The following FARP1 variants were observed in gnomAD, a reference collection of about 807,000 sequenced individuals.
FARP1 encodes the protein FERM, ARH/RhoGEF and pleckstrin domain protein 1, also known as FERM, ARHGEF and pleckstrin domain-containing protein 1.
FARP1 carries 52 observed loss-of-function variants against 128.8 expected under a neutral mutation model. That is an observed-to-expected ratio of 0.40 (90% CI 0.32 to 0.51). The LOEUF (loss-of-function observed/expected upper bound fraction) is 0.51. Ranked by LOEUF, FARP1 falls within the 20% of genes least tolerant of loss-of-function variation. FARP1 has a pLI of 0.45. For missense variants in FARP1, 1,333 were observed against 1,367.9 expected, an observed-to-expected ratio of 0.97 and a Z score of 0.40; for synonymous variants, 580 against 551.8, an observed-to-expected ratio of 1.05 and a Z score of -0.72.
chr13:98,293,025 G>C (rs2139671391), intron 2 of FARP1, among the ~76,000 whole-genome samples: 1 of 152,160 alleles, frequency 6.6e-6, no homozygotes, highest in South Asian at 2.1e-4. Context: ...GAAAGAAAGG[G>C]GGAAGCAGAG....
intron 26 of FARP1, 173 bp downstream of exon 26, chr13:98,446,990 G>A: frequency 6.1e-6 from 4 of 657,954 alleles, no homozygotes; most frequent in Non-Finnish European, 7.7e-6. Context: ...TCTCATGGCA[G>A]AAAGTGGGGT....
rs781713656 is a variant in FARP1, at chr13:98,431,216, G to C, written c.2079G>C (p.Lys693Asn). 1.2e-5 allele frequency: 19 copies of C among 1,604,494 alleles called. No homozygotes were observed. Among genetic ancestry groups the C allele is most frequent in the Non-Finnish European group, 1.6e-5 (19 of 1,175,708 alleles). The change falls in exon 18 of 27, where the codon AAG becomes AAC. Residue 693 changes from lysine to asparagine, a missense_variant. Lys to Asn is a moderately conservative substitution (Grantham distance 94). This residue lies in a region of FARP1 where 1,009 missense variants were observed against 969.8 expected (regional missense o/e 1.04). Transcript: ENST00000319562. ...LRPLHRLMHY[K>N]QVLERLCKHH... ...CACTGCACCGGCTCATGCACTACAA[G>C]CAGGTCCTGGAGCGGCTGTGCAAAC...
chr13:98,420,471 T>C (rs1205283250), intron 16 of FARP1, among the ~76,000 whole-genome samples: 1 of 152,226 alleles, frequency 6.6e-6, no homozygotes, highest in African/African-American at 2.4e-5. Context: ...CACGTTGTGG[T>C]GAACGAAGTT....
intron 1 of FARP1, among the ~76,000 whole-genome samples, chr13:98,193,617 A>T (rs1017902627): frequency 1.3e-5 from 2 of 152,232 alleles, no homozygotes; most frequent in Non-Finnish European, 2.9e-5. Context: ...TTCTTTAATT[A>T]TTCAAAACTC....
chr13:98,274,980 T>G (rs1213404269), intron 2 of FARP1, among the ~76,000 whole-genome samples: 10 of 152,218 alleles, frequency 6.6e-5, no homozygotes, highest in Non-Finnish European at 1.2e-4. Context: ...GTAATATGAT[T>G]GTATTAAAAA....
intron 2 of FARP1, 138 bp downstream of exon 2, chr13:98,213,551 C>T (rs867846493): frequency 5.9e-6 from 5 of 849,198 alleles, no homozygotes; most frequent in South Asian, 3.6e-5. Context: ...TCCCCGCCCC[C>T]CAATGGCCCC....
At chr13:98,163,643 C>A (rs1877040580) in intron 1 of FARP1, among the ~76,000 whole-genome samples, 2 of 149,474 alleles carry the variant, frequency 1.3e-5, no homozygotes, top group East Asian at 2.0e-4. Context: ...TTCCAGCAAT[C>A]AAAAATACTT....
intron 8 of FARP1, 59 bp from the exon 9 acceptor site, chr13:98,388,324 C>G (rs1377331404): frequency 3.8e-6 from 5 of 1,327,636 alleles, no homozygotes; most frequent in Non-Finnish European, 4.3e-6. Context: ...CAAAACAGAC[C>G]AACTCCCAAG....
At chr13:98,399,023 G>A (rs1259278584) in intron 13 of FARP1, 4 of 152,170 alleles carry the variant, frequency 2.6e-5, no homozygotes, top group Non-Finnish European at 5.9e-5. Flanking sequence ...ATACTCAGTT[G>A]TGTATTGATG....
At chr13:98,229,636 G>T (rs1219466688) in intron 2 of FARP1, among the ~76,000 whole-genome samples, 3 of 150,856 alleles carry the variant, frequency 2.0e-5, no homozygotes, top group African/African-American at 2.4e-5. Context: ...GTTTAGCTGG[G>T]ACCACTCTCC....
chr13:98,347,530 A>G (rs560399043), intron 3 of FARP1, among the ~76,000 whole-genome samples: 1 of 145,776 alleles, frequency 6.9e-6, no homozygotes, highest in Non-Finnish European at 1.5e-5. Flanking sequence ...TATCTCACTC[A>G]GCATAATGTT....
chr13:98,152,522 A>G (rs995378784), intron 1 of FARP1, among the ~76,000 whole-genome samples: 1 of 152,216 alleles, frequency 6.6e-6, no homozygotes, highest in Non-Finnish European at 1.5e-5. Context: ...AAGTGGAACC[A>G]GAGTCCATAA....
Position 98,449,010 on chromosome 13 carries a change from C to T in FARP1, c.*693C>T, listed in dbSNP as rs1566332846. 1 of 152,050 alleles carries T rather than the reference C, an allele frequency of 6.6e-6. No individual in the cohort carries two copies. The highest frequency in any genetic ancestry group is 2.4e-5 in the African/African-American group (1 of 41,254). The allele number at this position is 152,050 out of a possible 1,614,324, so 9.4% of individuals were successfully genotyped here. A position where few individuals can be genotyped will look rare whatever the true frequency, so the allele number is the denominator to read the frequency against. On this transcript the variant is annotated 3_prime_UTR_variant, in exon 27 of 27. Transcript: ENST00000319562. ...TTTCCAACCGTAGCAGGGTTGTTTT[C>T]TGTTAAGCAAAGCCGAGATCCAGTG...
chr13:98,163,855 C>T (rs1203087201), intron 1 of FARP1, among the ~76,000 whole-genome samples: 9 of 151,862 alleles, frequency 5.9e-5, no homozygotes, highest in Non-Finnish European at 8.8e-5. Flanking sequence ...ATGACAGGCA[C>T]CCGCCACCAC....
chr13:98,168,770 T>C (rs1474209892), intron 1 of FARP1, among the ~76,000 whole-genome samples: 1 of 152,214 alleles, frequency 6.6e-6, no homozygotes, highest in Non-Finnish European at 1.5e-5. Flanking sequence ...TTTGAGACCT[T>C]GTGGATTTGT....
intron 2 of FARP1, among the ~76,000 whole-genome samples, chr13:98,264,643 GGAAAA>G (rs1262550048): frequency 1.6e-4 from 25 of 152,118 alleles, no homozygotes; most frequent in African/African-American, 6.0e-4. Context: ...TACTTAATAA[GGAAAA>G]GAAAAGCTCA....
At chr13:98,392,792 CT>C (rs950003707) in intron 11 of FARP1, among the ~76,000 whole-genome samples, 2 of 151,224 alleles carry the variant, frequency 1.3e-5, no homozygotes, top group African/African-American at 4.9e-5. Context: ...TTCTCATGCC[CT>C]GTCTCTATAA....
At chr13:98,200,216 AGTGT>A (rs1879841960) in intron 1 of FARP1, among the ~76,000 whole-genome samples, 1 of 152,216 alleles carries the variant, frequency 6.6e-6, no homozygotes, top group Non-Finnish European at 1.5e-5. Context: ...AACATGGCAG[AGTGT>A]CCCTCTTTTC....
intron 2 of FARP1, among the ~76,000 whole-genome samples, chr13:98,228,556 G>T (rs1333922067): frequency 1.3e-5 from 2 of 152,224 alleles, no homozygotes; most frequent in South Asian, 2.1e-4. Context: ...GTTATCTATT[G>T]TTTGTATAGT....
Sources: gnomAD v4.1 joint callset for allele counts (sites outside exome capture counted in the v4.1 genomes callset) on GRCh38, gnomAD v4.1.1 for gene constraint, gnomAD v4.1.1 regional missense constraint, MANE v1.5 for transcripts, NCBI Gene and HGNC (gene_info 2026-07-23, HGNC 2026-07-21) for gene names.